The following SLC16A12 variants were observed in gnomAD, a reference collection of about 807,000 sequenced individuals.
SLC16A12 encodes the protein monocarboxylate transporter 12.
Under a neutral mutation model 42.4 loss-of-function variants are expected in SLC16A12, and 17 were observed. The ratio of observed to expected loss-of-function variants is 0.40; its 90% CI spans 0.27 to 0.60. SLC16A12 has a LOEUF of 0.60. Ranked by LOEUF, SLC16A12 falls within the 20% of genes least tolerant of loss-of-function variation. SLC16A12 has a pLI of 0.42. For synonymous variants in SLC16A12, 224 were observed against 229.4 expected (o/e 0.98, Z 0.21); for missense variants, 544 against 623.0 (o/e 0.87, Z 1.35).
chr10:89,550,091 T>C (rs1843761828), intron 2 of SLC16A12, among the ~76,000 whole-genome samples: 1 of 152,152 alleles, frequency 6.6e-6, no homozygotes, highest in Non-Finnish European at 1.5e-5. Flanking sequence ...CCCCTTTTTT[T>C]CCATCTGCAC....
intron 2 of SLC16A12, among the ~76,000 whole-genome samples, chr10:89,501,861 A>G (rs960520554): frequency 6.6e-6 from 1 of 152,232 alleles, no homozygotes; most frequent in Non-Finnish European, 1.5e-5. Context: ...TTCACTACTA[A>G]AGTGTAAGCT....
Position 89,438,619 on chromosome 10 carries a change from C to T in SLC16A12, c.1013G>A (p.Trp338Ter), listed in dbSNP as rs1841844482. 1.2e-6 allele frequency: 2 copies of T among 1,613,596 alleles called. No homozygotes were observed. Among genetic ancestry groups the T allele is most frequent in the Non-Finnish European group, 1.7e-6 (2 of 1,179,846 alleles). ...IDIIGNITFG[W>*]LTDRRCLKNY... is the part of the protein sequence containing the mutation. ...TGAATTTTACCTTCTGTCGGTCAGCCATCCAAATGTGATATTGCCAATAAT... is the reference window on the plus strand; with the variant it reads ...TGAATTTTACCTTCTGTCGGTCAGCTATCCAAATGTGATATTGCCAATAAT... The change falls in exon 6 of 8, where the codon TGG becomes TAG. Residue 338 changes from tryptophan (W) to a stop codon, truncating the protein, a stop_gained. Transcript: ENST00000371790. LOFTEE classifies it high-confidence loss of function.
chr10:89,448,220 A>G (rs1224930421), intron 3 of SLC16A12, among the ~76,000 whole-genome samples: 2 of 152,210 alleles, frequency 1.3e-5, no homozygotes, highest in African/African-American at 4.8e-5. Flanking sequence ...AACTATTCCA[A>G]TCAGGAGAAT....
chr10:89,522,778 T>C (rs537473232), intron 2 of SLC16A12, among the ~76,000 whole-genome samples: 187 of 152,308 alleles, frequency 1.2e-3, no homozygotes, highest in Middle Eastern at 3.4e-3. Flanking sequence ...TTACCTCAAT[T>C]GTAAATTAAG....
intron 3 of SLC16A12, among the ~76,000 whole-genome samples, chr10:89,451,654 T>C (rs937289226): frequency 2.0e-4 from 30 of 152,098 alleles, no homozygotes; most frequent in African/African-American, 6.8e-4. Context: ...TCAGGTGATC[T>C]GCCCACCTCG....
intron 5 of SLC16A12, 116 bp from the exon 6 acceptor site, chr10:89,439,299 TG>T: frequency 3.9e-6 from 4 of 1,035,116 alleles, no homozygotes; most frequent in South Asian, 3.2e-5. Context: ...CTTTTAAAGC[TG>T]CTTTTTACAC....
In SLC16A12 at chr10:89,436,244, T is replaced by C. The variant is rs1350794792; in HGVS notation, c.1104A>G (p.Pro368=). 1.9e-6 allele frequency: 3 copies of C among 1,613,942 alleles called. No homozygotes were observed. Among genetic ancestry groups the C allele is most frequent in the Middle Eastern group, 3.3e-4 (2 of 6,084 alleles). The change falls in exon 7 of 8, where the codon CCA becomes CCG. Residue 368 remains proline (P), a synonymous_variant. Coordinates refer to ENST00000371790, the MANE Select transcript of SLC16A12 (RefSeq NM_213606.4). ...CGAGCAGAGGGAGACTTTGAAGCAT[T>C]GGGAGGCAGAGATAGCAGAGCCCAT... is the stretch of plus-strand genomic sequence containing the variant. The part of the protein sequence containing the change: ...GMDGLCYLCL[P]MLQSLPLLVP...
In SLC16A12 at chr10:89,436,427, C is replaced by T. The variant is rs1002036836; in HGVS notation, c.1029-108G>A. On this transcript the variant is annotated intron_variant, in intron 6 of 7. Transcript: ENST00000371790. ...GCATTGCAGTTATTTACAGAGATGG[C>T]TTTCCCATTGTGTGTTATGTATGCT... The T allele has an allele frequency of 3.7e-6, 5 of 1,356,978 alleles. No homozygotes were observed. The Admixed American group carries it at 5.1e-5, about 14-fold the overall frequency. 84.1% of individuals were successfully genotyped at this position (1,356,978 alleles called of 1,614,324 possible). A position where few individuals can be genotyped will look rare whatever the true frequency, so the allele number is the denominator to read the frequency against.
At chr10:89,537,148 T>TGTC (rs573990846), upstream of SLC16A12, among the ~76,000 whole-genome samples, 2 of 146,792 alleles carry the variant, frequency 1.4e-5, no homozygotes, top group South Asian at 2.1e-4. Context: ...TAGGTATGTT[T>TGTC]TTTTTTTTTT....
At chr10:89,550,324 G>T (rs1843762924) in intron 2 of SLC16A12, among the ~76,000 whole-genome samples, 1 of 152,164 alleles carries the variant, frequency 6.6e-6, no homozygotes, top group Non-Finnish European at 1.5e-5. Context: ...TTCGTGACCA[G>T]CCTGGCCAAC....
chr10:89,510,657 A>T (rs1289623070), intron 2 of SLC16A12, among the ~76,000 whole-genome samples: 1 of 152,182 alleles, frequency 6.6e-6, no homozygotes, highest in Non-Finnish European at 1.5e-5. Context: ...AATACCATTC[A>T]GACATAGGCC....
intron 3 of SLC16A12, among the ~76,000 whole-genome samples, chr10:89,452,415 G>C (rs1212012831): frequency 6.6e-6 from 1 of 152,134 alleles, no homozygotes; most frequent in East Asian, 1.9e-4. Flanking sequence ...ACATAAAAAT[G>C]TGTGGTCAAT....
chr10:89,449,940 G>C (rs1842065722), intron 3 of SLC16A12, among the ~76,000 whole-genome samples: 2 of 152,146 alleles, frequency 1.3e-5, no homozygotes, highest in Non-Finnish European at 2.9e-5. Flanking sequence ...CCATCAAAAA[G>C]GTGGCAAAGG....
intron 2 of SLC16A12, among the ~76,000 whole-genome samples, chr10:89,479,749 C>T (rs1219576683): frequency 3.3e-5 from 5 of 152,150 alleles, no homozygotes; most frequent in African/African-American, 1.2e-4. Context: ...GCTATTACTA[C>T]TATTGTTATT....
chr10:89,525,596 A>C (rs1158799100), intron 2 of SLC16A12, among the ~76,000 whole-genome samples: 2 of 152,226 alleles, frequency 1.3e-5, no homozygotes, highest in Non-Finnish European at 2.9e-5. Context: ...AATTTTAACA[A>C]GTATCTTATT....
At chr10:89,501,432 C>G (rs1292656219) in intron 2 of SLC16A12, among the ~76,000 whole-genome samples, 1 of 152,128 alleles carries the variant, frequency 6.6e-6, no homozygotes, top group Non-Finnish European at 1.5e-5. Context: ...ACCAAAACAG[C>G]ATGGTACTAG....
chr10:89,549,496 C>T (rs1057260253), intron 2 of SLC16A12, among the ~76,000 whole-genome samples: 1 of 151,832 alleles, frequency 6.6e-6, no homozygotes. Flanking sequence ...GAGTTTCTAG[C>T]AATATAAATA....
At chr10:89,481,689 G>T (rs1842666478) in intron 2 of SLC16A12, among the ~76,000 whole-genome samples, 1 of 151,124 alleles carries the variant, frequency 6.6e-6, no homozygotes, top group Non-Finnish European at 1.5e-5. Context: ...GTGTGTGTGT[G>T]TGTGTGTGTG....
intron 2 of SLC16A12, among the ~76,000 whole-genome samples, chr10:89,524,514 A>G (rs1035574881): frequency 3.9e-5 from 6 of 152,176 alleles, no homozygotes; most frequent in South Asian, 4.1e-4. Flanking sequence ...TGTTGCTCCT[A>G]CTGCCTAGAA....
Sources: gnomAD v4.1 joint callset for allele counts (sites outside exome capture counted in the v4.1 genomes callset) on GRCh38, gnomAD v4.1.1 for gene constraint, MANE v1.5 for transcripts, NCBI Gene and HGNC (gene_info 2026-07-23, HGNC 2026-07-21) for gene names.